Variants in NOL10 observed in about 807,000 individuals in gnomAD.
NOL10 encodes H_NH0074G24.1.
In NOL10, 58 loss-of-function variants were observed where a neutral mutation model predicts 103.5. The ratio of observed to expected loss-of-function variants is 0.56; its 90% CI spans 0.45 to 0.70. The LOEUF (loss-of-function observed/expected upper bound fraction) is 0.70. Among genes scored for constraint, NOL10 ranks in the 30% least tolerant of loss-of-function variants. The pLI is 0.00. For missense variants in NOL10, 763 were observed against 807.3 expected (o/e 0.95, Z 0.67); for synonymous variants, 287 against 282.5 (o/e 1.02, Z -0.16).
At chr2:10,590,098 T>C (rs192470305) in intron 17 of NOL10, among the ~76,000 whole-genome samples, 175 of 152,172 alleles carry the variant, frequency 1.2e-3, no homozygotes, top group Non-Finnish European at 2.0e-3. Flanking sequence ...AAGAAGATAC[T>C]AGGTTTTTAA....
intron 13 of NOL10, among the ~76,000 whole-genome samples, chr2:10,623,811 T>G (rs1321920307): frequency 2.6e-5 from 4 of 152,114 alleles, no homozygotes; most frequent in African/African-American, 9.7e-5. Flanking sequence ...CATAAATAAA[T>G]GATATTTGCA....
intron 9 of NOL10, among the ~76,000 whole-genome samples, chr2:10,660,277 G>A (rs1331733288): frequency 6.6e-6 from 1 of 152,070 alleles, no homozygotes; most frequent in Non-Finnish European, 1.5e-5. Context: ...ATTTCTTTCA[G>A]TATAGTGATA....
intron 13 of NOL10, among the ~76,000 whole-genome samples, chr2:10,633,180 C>A (rs1677954239): frequency 6.6e-6 from 1 of 151,996 alleles, no homozygotes; most frequent in Non-Finnish European, 1.5e-5. Context: ...GGGGTGAATC[C>A]AAATGAACAG....
intron 19 of NOL10, among the ~76,000 whole-genome samples, chr2:10,587,017 A>G (rs1675059147): frequency 1.4e-5 from 1 of 71,316 alleles, no homozygotes; most frequent in African/African-American, 4.6e-5. Context: ...CTTTCTAGTG[A>G]AAATAAATAA....
chr2:10,661,215 AC>A (rs1384944020), intron 9 of NOL10, among the ~76,000 whole-genome samples: 1 of 152,122 alleles, frequency 6.6e-6, no homozygotes, highest in African/African-American at 2.4e-5. Flanking sequence ...ACTTGGGATT[AC>A]AGGCATGCGC....
chr2:10,673,524 G>T lies in NOL10; in HGVS notation c.323C>A (p.Ser108Ter). The change falls in exon 5 of 21, where the codon TCA (serine) becomes TAA (stop). Residue 108 changes from serine to a stop codon, truncating the protein, a stop_gained. Coordinates refer to ENST00000381685, the MANE Select transcript of NOL10 (RefSeq NM_024894.4). LOFTEE classifies it high-confidence loss of function. ...VTFEILSDDY[S>*]KIVFLHNDRY... Reference sequence around the variant, plus strand: ...AACCAATGCTATAAAACATACCTTTGAGTAGTCATCAGACAAAATTTCAAA... The same window carrying T: ...AACCAATGCTATAAAACATACCTTTTAGTAGTCATCAGACAAAATTTCAAA... 1 of 1,596,140 alleles carries T rather than the reference G, an allele frequency of 6.3e-7. No homozygotes were observed. The highest frequency in any genetic ancestry group is 1.1e-5 in the South Asian group (1 of 88,216).
intron 1 of NOL10, among the ~76,000 whole-genome samples, chr2:10,686,640 G>T (rs938614753): frequency 6.6e-6 from 1 of 152,198 alleles, no homozygotes; most frequent in Non-Finnish European, 1.5e-5. Context: ...CATAGTCAGG[G>T]GTGACAGTGT....
chr2:10,589,651 G>T lies in NOL10; in HGVS notation c.1523C>A (p.Pro508Gln). ...TTTTTCACTAATTTTTGAAACAAGT[G>T]GATTCAGAAGCCTAAATTCTTCACT... ...EESEEFRLLNPLVSKISEKRK... is the reference protein window; with the variant it reads ...EESEEFRLLNQLVSKISEKRK... The change falls in exon 18 of 21, where the codon CCA becomes CAA. Residue 508 changes from proline to glutamine, a missense_variant. Pro to Gln is a moderately conservative substitution (Grantham distance 76). Coordinates refer to ENST00000381685, the MANE Select transcript of NOL10 (RefSeq NM_024894.4). 6.3e-7 allele frequency: 1 copy of T among 1,589,402 alleles called. No homozygotes were observed. Among genetic ancestry groups the T allele is most frequent in the South Asian group, 1.2e-5 (1 of 84,748 alleles).
At chr2:10,596,962 T>C (rs1429321052) in intron 17 of NOL10, among the ~76,000 whole-genome samples, 2 of 152,092 alleles carry the variant, frequency 1.3e-5, no homozygotes, top group Non-Finnish European at 2.9e-5. Flanking sequence ...AAAGAATAAA[T>C]ACATTCATTC....
rs1340277041 is a variant in NOL10 at position 10,682,079 on chromosome 2, G to A, written c.113-10C>T. 7.3e-7 allele frequency: 1 copy of A among 1,371,860 alleles called. No individual in the cohort carries two copies. The highest frequency in any genetic ancestry group is 9.8e-7 in the Non-Finnish European group (1 of 1,022,344). The allele number at this position is 1,371,860 out of a possible 1,614,324, so 85.0% of individuals were successfully genotyped here. A position where few individuals can be genotyped will look rare whatever the true frequency, so the allele number is the denominator to read the frequency against. On this transcript the variant is annotated splice_polypyrimidine_tract_variant and intron_variant, in intron 2 of 20. Transcript: ENST00000381685. Reference sequence around the variant, plus strand: ...ATTCTCCTACGGACATCTAAAAAGAGAGAAAAAAACAACTAGTTTAACTAA... The same window carrying A: ...ATTCTCCTACGGACATCTAAAAAGAAAGAAAAAAACAACTAGTTTAACTAA...
In NOL10 at chr2:10,587,196, T is replaced by C. The variant is rs1488534759; in HGVS notation, c.1844+1847A>G. ...ATATATATACACATATATATACACATATATATACACATATATATATACATA... is the reference window on the plus strand; with the variant it reads ...ATATATATACACATATATATACACACATATATACACATATATATATACATA... On this transcript the variant is annotated intron_variant, in intron 19 of 20. Coordinates refer to ENST00000381685, the MANE Select transcript of NOL10 (RefSeq NM_024894.4). Among the ~76,000 whole-genome samples the C allele has an allele frequency of 8.9e-4, 27 of 30,312 alleles. 8 individuals carry two copies. Among genetic ancestry groups the C allele is most frequent in the African/African-American group, 4.7e-3 (26 of 5,536 alleles). 19.9% of individuals were successfully genotyped at this position (30,312 alleles called of 152,430 possible).
intron 13 of NOL10, among the ~76,000 whole-genome samples, chr2:10,615,597 C>A (rs4371336): frequency 0.59 from 90,036 of 152,092 alleles, 27,659 homozygotes; most frequent in African/African-American, 0.74. Context: ...CAGTAAATAA[C>A]TTTTAAAAGG....
chr2:10,657,934 T>C, intron 10 of NOL10, 43 bp from the exon 11 acceptor site: 1 of 1,408,024 alleles, frequency 7.1e-7, no homozygotes. Flanking sequence ...AGACATTTTA[T>C]CTTCAAAGGA....
intron 8 of NOL10, among the ~76,000 whole-genome samples, chr2:10,666,982 A>C (rs1210284747): frequency 6.6e-6 from 1 of 152,192 alleles, no homozygotes; most frequent in African/African-American, 2.4e-5. Context: ...GAAAAATGCA[A>C]ATCTACAAAA....
intron 3 of NOL10, among the ~76,000 whole-genome samples, chr2:10,679,773 C>T (rs1278597646): frequency 6.6e-6 from 1 of 151,944 alleles, no homozygotes; most frequent in Admixed American, 6.6e-5. Context: ...TACAGGTCCA[C>T]GCCACCATGC....
Position 10,570,964 on chromosome 2 carries a change from C to T in NOL10, c.*1107G>A, listed in dbSNP as rs1471690037. 1.3e-5 allele frequency: 2 copies of T among 152,000 alleles called. No individual in the cohort carries two copies. Among genetic ancestry groups the T allele is most frequent in the East Asian group, 3.9e-4 (2 of 5,194 alleles). The allele number at this position is 152,000 out of a possible 1,614,324, so 9.4% of individuals were successfully genotyped here. ...TGCTTGGGACCAGAAGTCTTTTAGA[C>T]TTTGGTTTTTTTGTGTGTTTTGGAA... On this transcript the variant is annotated 3_prime_UTR_variant, in exon 21 of 21. Transcript: ENST00000381685.
intron 20 of NOL10, among the ~76,000 whole-genome samples, chr2:10,572,991 A>C (rs1674261151): frequency 6.6e-6 from 1 of 152,132 alleles, no homozygotes; most frequent in Admixed American, 6.5e-5. Context: ...ATCCACAACA[A>C]AGGTTAAGAG....
In NOL10 at chr2:10,595,173, A is replaced by AGAGAGAGAGAGG. The variant is rs1675609110; in HGVS notation, c.1423-5423_1423-5422insCCTCTCTCTCTC. Among the ~76,000 whole-genome samples the AGAGAGAGAGAGG allele has an allele frequency of 2.9e-5, 4 of 139,094 alleles. No homozygotes were observed. The South Asian group carries it at 8.7e-4, about 30-fold the overall frequency. 91.3% of individuals were successfully genotyped at this position (139,094 alleles called of 152,430 possible). A position where few individuals can be genotyped will look rare whatever the true frequency, so the allele number is the denominator to read the frequency against. On this transcript the variant is annotated intron_variant, in intron 17 of 20. Coordinates refer to ENST00000381685, the MANE Select transcript of NOL10 (RefSeq NM_024894.4). ...GAGAGAGAGAGAGAGAGAGAGAGAG[A>AGAGAGAGAGAGG]GAGAGATTTATACCAAAATAATCAG...
In NOL10 at chr2:10,689,883, A is replaced by C; in HGVS notation, c.-22T>G. 1.9e-6 allele frequency: 3 copies of C among 1,595,658 alleles called. No homozygotes were observed. Among genetic ancestry groups the C allele is most frequent in the Non-Finnish European group, 2.6e-6 (3 of 1,171,228 alleles). ...GCATGGCGCCGCACAACACTGTTCA[A>C]GTCCCGGGTCCTTTCCCACCAGCGT... On this transcript the variant is annotated 5_prime_UTR_variant, in exon 1 of 21. Coordinates refer to ENST00000381685, the MANE Select transcript of NOL10 (RefSeq NM_024894.4).
Sources: gnomAD v4.1 joint callset for allele counts (sites outside exome capture counted in the v4.1 genomes callset) on GRCh38, gnomAD v4.1.1 for gene constraint, MANE v1.5 for transcripts, NCBI Gene and HGNC (gene_info 2026-07-23, HGNC 2026-07-21) for gene names.